Variants in KAT6B observed in about 807,000 individuals in gnomAD.
The protein encoded by KAT6B is lysine acetyltransferase 6B.
Under a neutral mutation model 187.5 loss-of-function variants are expected in KAT6B, and 10 were observed. That is an observed-to-expected ratio of 0.05 (90% CI 0.03 to 0.09). The LOEUF (loss-of-function observed/expected upper bound fraction) is 0.09, where lower values mean the gene tolerates loss of function less well. KAT6B is among the 10% of genes least tolerant of loss of function. The probability of loss-of-function intolerance (pLI) is 1.00; values close to 1 mark genes in which losing one functional copy is unlikely to be tolerated. For synonymous variants in KAT6B, 861 were observed against 926.8 expected, an observed-to-expected ratio of 0.93 and a Z score of 1.29; for missense variants, 1,952 against 2,558.9, an observed-to-expected ratio of 0.76 and a Z score of 5.12.
At chr10:74,860,139 T>G (rs1015027167) in intron 3 of KAT6B, among the ~76,000 whole-genome samples, 1 of 152,214 alleles carries the variant, frequency 6.6e-6, no homozygotes, top group Non-Finnish European at 1.5e-5. Flanking sequence ...TGTGCCATGC[T>G]GGTTTGTAGG....
At chr10:74,965,668 T>C (rs562242198) in intron 4 of KAT6B, among the ~76,000 whole-genome samples, 5 of 152,188 alleles carry the variant, frequency 3.3e-5, no homozygotes, top group Admixed American at 1.3e-4. Flanking sequence ...CTCACCAGAT[T>C]AAAATCGGGG....
At position 74,843,110 on chromosome 10, in the gene KAT6B, C is replaced by G. The variant is rs781541814; in HGVS notation, c.253C>G (p.Pro85Ala). 4.3e-6 allele frequency: 7 copies of G among 1,614,216 alleles called. No homozygotes were observed. The East Asian group carries it at 6.7e-5, about 15-fold the overall frequency. The part of the protein sequence containing the change: ...DNPGRFSSVK[P>A]GTFPKSAKGS... ...CCCTGGGCGCTTTTCATCAGTTAAA[C>G]CAGGCACTTTTCCTAAGTCAGCCAA... Residue 85 changes from proline to alanine, a missense_variant, in exon 3 of 18, where the codon CCA becomes GCA. By Grantham distance (27) the Pro-to-Ala change is conservative. Around this residue, in one of 9 missense-constraint regions of KAT6B, gnomAD observed 218 missense variants for 282.6 expected, o/e 0.77. Coordinates refer to ENST00000287239, the MANE Select transcript of KAT6B (RefSeq NM_012330.4).
chr10:74,974,813 G>T (rs780522529), intron 7 of KAT6B, among the ~76,000 whole-genome samples: 106 of 152,248 alleles, frequency 7.0e-4, no homozygotes, highest in Non-Finnish European at 1.2e-3. Flanking sequence ...TCTCCTAAGA[G>T]AGTATTATTG....
Position 74,981,864 on chromosome 10 carries a change from A to G in KAT6B, c.2309A>G (p.Lys770Arg). ...AATATTTTGCTAAGACACTCCAAGA[A>G]GTGTGGATGGTTTCATCCTCCAGCA... ...SKNILLRHSK[K>R]CGWFHPPANE... Residue 770 changes from lysine to arginine, a missense_variant, in exon 11 of 18, where the codon AAG becomes AGG. By Grantham distance (26) the Lys-to-Arg change is conservative. Transcript: ENST00000287239. The G allele has an allele frequency of 6.2e-7, 1 of 1,610,552 alleles. No individual in the cohort carries two copies. The highest frequency in any genetic ancestry group is 8.5e-7 in the Non-Finnish European group (1 of 1,176,734).
chr10:74,936,665 A>G (rs1295540519), intron 3 of KAT6B, among the ~76,000 whole-genome samples: 3 of 152,196 alleles, frequency 2.0e-5, no homozygotes, highest in South Asian at 2.1e-4. Context: ...TAATATATCA[A>G]TGTGTGGTTT....
chr10:75,009,457 A>G (rs1050961149), intron 13 of KAT6B, among the ~76,000 whole-genome samples: 1 of 152,212 alleles, frequency 6.6e-6, no homozygotes, highest in Non-Finnish European at 1.5e-5. Context: ...ATAAAGTCTC[A>G]TGGGGATAAT....
intron 1 of KAT6B, among the ~76,000 whole-genome samples, chr10:74,836,474 G>A (rs570929704): frequency 1.5e-4 from 23 of 152,292 alleles, no homozygotes; most frequent in Non-Finnish European, 2.9e-4. Flanking sequence ...ACCTACCACA[G>A]GGCTGCATGC....
At chr10:74,874,370 T>TTTTTC (rs770971124) in intron 3 of KAT6B, among the ~76,000 whole-genome samples, 5 of 152,076 alleles carry the variant, frequency 3.3e-5, no homozygotes, top group South Asian at 4.1e-4. Context: ...TCTTAGTTGA[T>TTTTTC]TTTTCTTTTC....
chr10:74,974,328 C>A (rs940769060), intron 7 of KAT6B, among the ~76,000 whole-genome samples: 8 of 152,152 alleles, frequency 5.3e-5, no homozygotes, highest in Non-Finnish European at 1.0e-4. Context: ...AAAATATACT[C>A]TTGTATTTGT....
rs781141109 is a variant in KAT6B at position 75,029,046 on chromosome 10, CACGAAGAGGAGGAGGAAGAGG to C, written c.4224_4244del (p.Glu1411_Glu1417del). 2 of 1,613,978 alleles carry C rather than the reference CACGAAGAGGAGGAGGAAGAGG, an allele frequency of 1.2e-6. No homozygotes were observed. Among genetic ancestry groups the C allele is most frequent in the Non-Finnish European group, 1.7e-6 (2 of 1,180,010 alleles). ...AGAAGACTCTGCACGTTTGGATGAT[CACGAAGAGGAGGAGGAAGAGG>C]ATGAAGAGCCATCCCACAACGAGGA... On this transcript the variant is annotated inframe_deletion, in exon 18 of 18. Transcript: ENST00000287239. The surrounding 1 kb of genome is among the most constrained non-coding windows in gnomAD (Gnocchi z 6.2).
chr10:74,831,478 C>T (rs974307242), intron 1 of KAT6B, among the ~76,000 whole-genome samples: 1 of 152,176 alleles, frequency 6.6e-6, no homozygotes, highest in Admixed American at 6.5e-5. Context: ...GAGTAAAATA[C>T]ACTCTTCTTG....
chr10:75,029,135 C>T lies in KAT6B; in HGVS notation c.4311C>T (p.Ala1437=), dbSNP rs774858121. 20 of 1,613,896 alleles carry T rather than the reference C, an allele frequency of 1.2e-5. No homozygotes were observed. Among genetic ancestry groups the T allele is most frequent in the Non-Finnish European group, 1.5e-5 (18 of 1,180,004 alleles). Residue 1437 remains alanine, a synonymous_variant, in exon 18 of 18, where the codon GCC becomes GCT. Transcript: ENST00000287239. This position sits in a 1 kb window ranked among gnomAD's most constrained non-coding sequence, Gnocchi z 6.2. ...AGGATGACAGCCACATGGAGTCTGC[C>T]GAAGTGGAGAAGGAAGAGCTGCCCA... is the stretch of plus-strand genomic sequence containing the variant. The part of the protein sequence containing the change: ...DDEDDSHMES[A]EVEKEELPRE...
chr10:74,944,536 C>T (rs1358362725), intron 3 of KAT6B, among the ~76,000 whole-genome samples: 6 of 152,116 alleles, frequency 3.9e-5, no homozygotes, highest in East Asian at 1.9e-4. Flanking sequence ...TTAGGCCGGG[C>T]GCGGTGGCTC....
At chr10:74,875,043 A>G (rs1002261370) in intron 3 of KAT6B, among the ~76,000 whole-genome samples, 1 of 152,170 alleles carries the variant, frequency 6.6e-6, no homozygotes, top group Non-Finnish European at 1.5e-5. Flanking sequence ...CCCAAAGCCC[A>G]TAGTTTACAT....
intron 3 of KAT6B, among the ~76,000 whole-genome samples, chr10:74,943,929 T>C (rs919599659): frequency 2.0e-5 from 3 of 152,242 alleles, no homozygotes; most frequent in African/African-American, 7.2e-5. Context: ...ATCCAGTATA[T>C]GTAAGGAACT....
intron 3 of KAT6B, among the ~76,000 whole-genome samples, chr10:74,928,980 T>C (rs1253827517): frequency 1.3e-5 from 2 of 152,202 alleles, no homozygotes; most frequent in Non-Finnish European, 2.9e-5. Context: ...TCTGTCCAAG[T>C]AGCATTCTCA....
chr10:74,904,393 C>T (rs1193721800), intron 3 of KAT6B, among the ~76,000 whole-genome samples: 1 of 152,178 alleles, frequency 6.6e-6, no homozygotes, highest in Non-Finnish European at 1.5e-5. Flanking sequence ...CTGAGGTCCT[C>T]TTCTCCCAGA....
At chr10:74,977,844 A>G (rs1372315984) in intron 9 of KAT6B, among the ~76,000 whole-genome samples, 1 of 152,176 alleles carries the variant, frequency 6.6e-6, no homozygotes, top group Non-Finnish European at 1.5e-5. Flanking sequence ...CATATGAAAA[A>G]TGTCTCATAT....
intron 13 of KAT6B, among the ~76,000 whole-genome samples, chr10:75,016,314 G>C (rs777611649): frequency 6.6e-6 from 1 of 152,160 alleles, no homozygotes; most frequent in African/African-American, 2.4e-5. Context: ...AGGCACACTC[G>C]GGTTCCATGC....
Sources: gnomAD v4.1 joint callset for allele counts (sites outside exome capture counted in the v4.1 genomes callset) on GRCh38, gnomAD v4.1.1 for gene constraint, gnomAD v4.1.1 regional missense constraint, Gnocchi (gnomAD v3.1) non-coding constraint, MANE v1.5 for transcripts, NCBI Gene and HGNC (gene_info 2026-07-23, HGNC 2026-07-21) for gene names.